ROCK1: variants seen among roughly 807,000 people sequenced by gnomAD.
ROCK1 encodes rho-associated protein kinase 1.
A neutral mutation model predicts 196.8 loss-of-function variants in ROCK1; 36 were observed. The observed-to-expected ratio is 0.18, with a 90% CI of 0.14 to 0.24. ROCK1 has a LOEUF of 0.24. Among genes scored for constraint, ROCK1 ranks in the 10% least tolerant of loss-of-function variants. The pLI is 1.00. For synonymous variants in ROCK1, 443 were observed against 515.9 expected, an observed-to-expected ratio of 0.86 and a Z score of 1.91; for missense variants, 920 against 1,562.0, an observed-to-expected ratio of 0.59 and a Z score of 6.93.
intron 16 of ROCK1, among the ~76,000 whole-genome samples, chr18:20,997,476 T>G (rs1416417047): frequency 6.6e-6 from 1 of 152,150 alleles, no homozygotes. Flanking sequence ...CACCCAACAC[T>G]GGAGCAACCA....
chr18:21,101,911 G>C (rs1417864946), intron 1 of ROCK1, among the ~76,000 whole-genome samples: 10 of 151,700 alleles, frequency 6.6e-5, no homozygotes. Flanking sequence ...AGTATGTAAG[G>C]ATGAAATGAC....
chr18:21,060,765 G>A (rs551724292), intron 2 of ROCK1, among the ~76,000 whole-genome samples: 1 of 151,228 alleles, frequency 6.6e-6, no homozygotes, highest in East Asian at 2.0e-4. Flanking sequence ...CTTGAACCTG[G>A]GAGGTGGAGG....
intron 1 of ROCK1, among the ~76,000 whole-genome samples, chr18:21,073,354 T>C (rs916841096): frequency 3.3e-5 from 5 of 152,168 alleles, no homozygotes; most frequent in African/African-American, 9.7e-5. Context: ...AGCACTGATA[T>C]GGCAGGGGGA....
Position 20,953,656 on chromosome 18 carries a change from G to A in ROCK1, c.3983C>T (p.Ser1328Phe), listed in dbSNP as rs369915267. 16 of 1,612,522 alleles carry A rather than the reference G, an allele frequency of 9.9e-6. No homozygotes were observed. In the Admixed American group the frequency reaches 1.7e-4, roughly 17 times the overall value. ...GGATCTTGTAGAAAGCGTTCGAGGG[G>A]AAGCACGAACAAAACCAGATGGTGG... is the stretch of plus-strand genomic sequence containing the variant. ...KNPPSGFVRASPRTLSTRSTA... is the reference protein window; with the variant it reads ...KNPPSGFVRAFPRTLSTRSTA... Residue 1328 changes from serine (S) to phenylalanine (F), a missense_variant, in exon 32 of 33, where the codon TCC (serine) becomes TTC (phenylalanine). Physicochemically the swap from Ser to Phe is radical, Grantham distance 155 (BLOSUM62 -2). Coordinates refer to ENST00000399799, the MANE Select transcript of ROCK1 (RefSeq NM_005406.3).
chr18:21,109,767 T>C (rs2036733869), intron 1 of ROCK1, among the ~76,000 whole-genome samples: 1 of 152,176 alleles, frequency 6.6e-6, no homozygotes. Context: ...CAATCTACAT[T>C]AATTTTCCTT....
At chr18:21,073,121 G>GAAAATA (rs2036401337) in intron 1 of ROCK1, among the ~76,000 whole-genome samples, 1 of 134,632 alleles carries the variant, frequency 7.4e-6, no homozygotes, top group African/African-American at 2.7e-5. Flanking sequence ...GAGAAAATAT[G>GAAAATA]TAACAGAGGG....
chr18:20,986,210 C>A (rs1471447410), intron 19 of ROCK1, among the ~76,000 whole-genome samples: 1 of 152,122 alleles, frequency 6.6e-6, no homozygotes. Context: ...CAAATTTCTC[C>A]CATGACTACT....
At chr18:21,045,880 T>G (rs1041792250) in intron 4 of ROCK1, among the ~76,000 whole-genome samples, 1 of 150,594 alleles carries the variant, frequency 6.6e-6, no homozygotes, top group African/African-American at 2.4e-5. Context: ...TTTGATAAAT[T>G]TGGCTTACAG....
chr18:21,080,406 G>A (rs994557230), intron 1 of ROCK1, among the ~76,000 whole-genome samples: 2 of 152,042 alleles, frequency 1.3e-5, no homozygotes, highest in African/African-American at 4.8e-5. Flanking sequence ...AGGAAACTAG[G>A]AAAATTATAT....
At chr18:21,045,041 TTG>T in intron 5 of ROCK1, 1 of 231,376 alleles carries the variant, frequency 4.3e-6, no homozygotes. Flanking sequence ...TTTTTTTTTT[TTG>T]TAGAGATGGG....
At chr18:20,969,232 A>G in intron 23 of ROCK1, 24 bp from the exon 24 acceptor site, 1 of 1,433,278 alleles carries the variant, frequency 7.0e-7, no homozygotes, top group Non-Finnish European at 9.7e-7. Context: ...ACAAAAGTTT[A>G]AGCTCCAGCC....
At chr18:20,979,239 T>C (rs1210574469) in intron 22 of ROCK1, among the ~76,000 whole-genome samples, 20 of 152,170 alleles carry the variant, frequency 1.3e-4, no homozygotes, top group African/African-American at 2.4e-5. Flanking sequence ...ATAACCTGCA[T>C]AGTAATCCTA....
intron 15 of ROCK1, 42 bp downstream of exon 15, chr18:21,006,657 T>C (rs547710091): frequency 6.3e-7 from 1 of 1,582,278 alleles, no homozygotes; most frequent in Admixed American, 2.0e-5. Flanking sequence ...AATTTAATTA[T>C]CTACAATTTT....
chr18:21,069,290 G>A (rs760923472), intron 2 of ROCK1, among the ~76,000 whole-genome samples: 4 of 151,848 alleles, frequency 2.6e-5, no homozygotes, highest in Non-Finnish European at 4.4e-5. Context: ...TAGTAATCCT[G>A]GCATAAACTA....
intron 9 of ROCK1, among the ~76,000 whole-genome samples, chr18:21,029,712 T>C (rs553426441): frequency 1.3e-4 from 20 of 152,318 alleles, no homozygotes; most frequent in Non-Finnish European, 2.9e-4. Flanking sequence ...TAAATATTCA[T>C]AATATAGGAG....
chr18:21,006,296 T>C (rs2035768020), intron 16 of ROCK1, 55 bp downstream of exon 16: 5 of 1,393,356 alleles, frequency 3.6e-6, no homozygotes, highest in Admixed American at 2.0e-5. Context: ...ATGGTTAAAA[T>C]GTTATAATAA....
At chr18:21,095,976 C>A (rs1035268137) in intron 1 of ROCK1, among the ~76,000 whole-genome samples, 8 of 150,512 alleles carry the variant, frequency 5.3e-5, no homozygotes, top group African/African-American at 2.0e-4. Context: ...ACTATGTATC[C>A]ACAAAAATTG....
intron 14 of ROCK1, among the ~76,000 whole-genome samples, chr18:21,007,437 C>T (rs1435299601): frequency 6.6e-6 from 1 of 152,066 alleles, no homozygotes; most frequent in African/African-American, 2.4e-5. Flanking sequence ...CATTCATTAC[C>T]TTTATGTTTC....
chr18:21,090,065 T>G (rs1277792970), intron 1 of ROCK1, among the ~76,000 whole-genome samples: 4 of 152,254 alleles, frequency 2.6e-5, no homozygotes, highest in Non-Finnish European at 4.4e-5. Flanking sequence ...TTTGCAACAT[T>G]AAAATTTATT....
Sources: allele counts gnomAD v4.1 joint callset (sites outside exome capture counted in the v4.1 genomes callset), GRCh38; gene constraint gnomAD v4.1.1; transcripts MANE v1.5; gene names NCBI Gene and HGNC (gene_info 2026-07-23, HGNC 2026-07-21).